The following GAB2 variants were observed in gnomAD, a reference collection of about 807,000 sequenced individuals.
GAB2 encodes the protein GRB2 associated binding protein 2.
GAB2 carries 26 observed loss-of-function variants against 65.5 expected under a neutral mutation model. That is an observed-to-expected ratio of 0.40 (90% CI 0.29 to 0.55). The LOEUF (loss-of-function observed/expected upper bound fraction) is 0.55, where lower values mean the gene tolerates loss of function less well. Among genes scored for constraint, GAB2 ranks in the 20% least tolerant of loss-of-function variants. The pLI is 0.53. For synonymous variants in GAB2, 321 were observed against 329.6 expected, an observed-to-expected ratio of 0.97 and a Z score of 0.28; for missense variants, 884 against 875.8, an observed-to-expected ratio of 1.01 and a Z score of -0.12.
intron 1 of GAB2, among the ~76,000 whole-genome samples, chr11:78,399,730 A>G (rs547014739): frequency 1.3e-5 from 2 of 152,332 alleles, no homozygotes; most frequent in East Asian, 1.9e-4. Context: ...GAATAGGTTA[A>G]TAAATGTAAG....
At chr11:78,258,335 TGAAA>T (rs746456324) in intron 2 of GAB2, among the ~76,000 whole-genome samples, 9 of 152,234 alleles carry the variant, frequency 5.9e-5, no homozygotes, top group Admixed American at 2.0e-4. Context: ...GAGTGACAAA[TGAAA>T]GAGCAAATAT....
chr11:78,235,475 G>A (rs1590953462), intron 3 of GAB2, among the ~76,000 whole-genome samples: 1 of 152,146 alleles, frequency 6.6e-6, no homozygotes, highest in Non-Finnish European at 1.5e-5. Context: ...CTATCACATC[G>A]TCAGGTGGCA....
intron 1 of GAB2, among the ~76,000 whole-genome samples, chr11:78,379,206 T>A (rs1400705262): frequency 6.6e-6 from 1 of 152,244 alleles, no homozygotes; most frequent in Non-Finnish European, 1.5e-5. Flanking sequence ...AAGACTGTGG[T>A]TCTCCAGAGG....
intron 1 of GAB2, among the ~76,000 whole-genome samples, chr11:78,301,037 G>A (rs554820385): frequency 9.2e-5 from 14 of 152,138 alleles, no homozygotes; most frequent in African/African-American, 3.4e-4. Context: ...ATTAACGATG[G>A]TAAGCAACTT....
chr11:78,244,899 T>C (rs1565123725), intron 3 of GAB2, among the ~76,000 whole-genome samples: 1 of 152,086 alleles, frequency 6.6e-6, no homozygotes, highest in African/African-American at 2.4e-5. Context: ...AAACTAACAA[T>C]AGAACTACCT....
intron 1 of GAB2, among the ~76,000 whole-genome samples, chr11:78,338,452 C>A (rs371715716): frequency 1.3e-5 from 2 of 152,282 alleles, no homozygotes; most frequent in South Asian, 4.1e-4. Flanking sequence ...CACTGACTGT[C>A]TACACCAAAG....
intron 1 of GAB2, among the ~76,000 whole-genome samples, chr11:78,395,193 C>T (rs1856880887): frequency 6.6e-6 from 1 of 152,342 alleles, no homozygotes; most frequent in East Asian, 1.9e-4. Flanking sequence ...GCGGCTCACG[C>T]CTGTAATCCC....
chr11:78,227,339 T>C (rs1864701404), intron 3 of GAB2, among the ~76,000 whole-genome samples: 1 of 152,190 alleles, frequency 6.6e-6, no homozygotes. Flanking sequence ...CTGTTTTAAG[T>C]ACCGCAGAAT....
At chr11:78,220,230 G>T in intron 9 of GAB2, 89 bp downstream of exon 9, 1 of 1,390,798 alleles carries the variant, frequency 7.2e-7, no homozygotes. Context: ...GAGTGCTGCT[G>T]TTCAGTGTTG....
At chr11:78,262,252 G>C (rs571832476) in intron 2 of GAB2, among the ~76,000 whole-genome samples, 59 of 152,322 alleles carry the variant, frequency 3.9e-4, no homozygotes, top group Middle Eastern at 6.8e-3. Context: ...ATGCACGTTG[G>C]AGTCCGAATC....
intron 1 of GAB2, among the ~76,000 whole-genome samples, chr11:78,294,232 T>C (rs1866762280): frequency 6.6e-6 from 1 of 152,228 alleles, no homozygotes; most frequent in Non-Finnish European, 1.5e-5. Flanking sequence ...TCCATGTCCC[T>C]ACAAAGGACA....
intron 1 of GAB2, among the ~76,000 whole-genome samples, chr11:78,292,646 A>C (rs747703934): frequency 6.6e-6 from 1 of 152,248 alleles, no homozygotes. Flanking sequence ...AACAGCAAAC[A>C]TTACAAGAGT....
intron 3 of GAB2, among the ~76,000 whole-genome samples, chr11:78,242,080 C>T (rs1379510090): frequency 6.6e-6 from 1 of 152,042 alleles, no homozygotes; most frequent in Non-Finnish European, 1.5e-5. Context: ...TCACATCAAG[C>T]ATCTTTTCTA....
chr11:78,359,124 T>A (rs1213006799), intron 1 of GAB2, among the ~76,000 whole-genome samples: 3 of 149,372 alleles, frequency 2.0e-5, no homozygotes, highest in Admixed American at 6.6e-5. Flanking sequence ...GGGTCTAACA[T>A]ATATCTAATC....
At chr11:78,334,680 C>T (rs547213114) in intron 1 of GAB2, among the ~76,000 whole-genome samples, 175 of 152,336 alleles carry the variant, frequency 1.1e-3, no homozygotes, top group African/African-American at 4.0e-3. Flanking sequence ...TGTTTCCAAG[C>T]CTGGGCTATT....
chr11:78,408,781 G>A (rs1857087939), intron 1 of GAB2, among the ~76,000 whole-genome samples: 1 of 152,092 alleles, frequency 6.6e-6, no homozygotes, highest in Non-Finnish European at 1.5e-5. Context: ...ATTTAGAAGT[G>A]TGTAGTACCT....
Position 78,215,631 on chromosome 11 carries a change from C to T in GAB2, c.*3641G>A, listed in dbSNP as rs546041004. The T allele has an allele frequency of 6.6e-6, 1 of 152,300 alleles. No individual in the cohort carries two copies. The highest frequency in any genetic ancestry group is 1.5e-5 in the Non-Finnish European group (1 of 68,044). 9.4% of individuals were successfully genotyped at this position (152,300 alleles called of 1,614,324 possible). Reference sequence around the variant, plus strand: ...TTCTGCGTGAAATAATTCTAGATTTCAAGACACAAGTAGCCAACAAATACA... The same window carrying T: ...TTCTGCGTGAAATAATTCTAGATTTTAAGACACAAGTAGCCAACAAATACA... On this transcript the variant is annotated 3_prime_UTR_variant, in exon 10 of 10. Coordinates refer to ENST00000361507, the MANE Select transcript of GAB2 (RefSeq NM_080491.3).
At chr11:78,324,814 A>G (rs1855793723) in intron 1 of GAB2, 1 of 152,242 alleles carries the variant, frequency 6.6e-6, no homozygotes, top group East Asian at 1.9e-4. Flanking sequence ...GCCTCTGGAT[A>G]AAACTCCCAA....
intron 2 of GAB2, among the ~76,000 whole-genome samples, chr11:78,269,969 T>C (rs1166535020): frequency 6.6e-6 from 1 of 152,218 alleles, no homozygotes; most frequent in African/African-American, 2.4e-5. Context: ...TCTGGTGAGC[T>C]AAATTGCCTG....
Sources: allele counts gnomAD v4.1 joint callset (sites outside exome capture counted in the v4.1 genomes callset), GRCh38; gene constraint gnomAD v4.1.1; transcripts MANE v1.5; gene names NCBI Gene and HGNC (gene_info 2026-07-23, HGNC 2026-07-21).